ARHGAP5: variants seen among roughly 807,000 people sequenced by gnomAD.
The protein encoded by ARHGAP5 is rho GTPase-activating protein 5.
A neutral mutation model predicts 116.6 loss-of-function variants in ARHGAP5; 23 were observed. The observed-to-expected ratio is 0.20, with a 90% CI of 0.14 to 0.28. The LOEUF is 0.28. Among genes scored for constraint, ARHGAP5 ranks in the 10% least tolerant of loss-of-function variants. The probability of loss-of-function intolerance (pLI) is 1.00; values close to 1 mark genes in which losing one functional copy is unlikely to be tolerated. For synonymous variants in ARHGAP5, 574 were observed against 602.0 expected (o/e 0.95, Z 0.68); for missense variants, 1,405 against 1,774.8 (o/e 0.79, Z 3.74).
chr14:32,151,975 C>T (rs1881656129), intron 5 of ARHGAP5, among the ~76,000 whole-genome samples: 1 of 152,092 alleles, frequency 6.6e-6, no homozygotes, highest in Non-Finnish European at 1.5e-5. Flanking sequence ...GGCTCTCCAA[C>T]CCCTAGGCCA....
chr14:32,123,666 G>A (rs1228806854), intron 3 of ARHGAP5, among the ~76,000 whole-genome samples: 1 of 152,016 alleles, frequency 6.6e-6, no homozygotes, highest in African/African-American at 2.4e-5. Context: ...GATGTTATTA[G>A]TGTTTCTTTA....
chr14:32,140,097 C>CTTTTTTTTTTTTTTTTTGTTTTTTTTTTT (rs1182430088), intron 3 of ARHGAP5, among the ~76,000 whole-genome samples: 1 of 25,386 alleles, frequency 3.9e-5, no homozygotes, highest in Non-Finnish European at 7.3e-5. Context: ...GTTATTTGTT[C>CTTTTTTTTTTTTTTTTTGTTTTTTTTTTT]TTTTTTTTTT....
chr14:32,145,688 G>T (rs961612585), intron 3 of ARHGAP5, among the ~76,000 whole-genome samples: 7 of 151,960 alleles, frequency 4.6e-5, no homozygotes, highest in Non-Finnish European at 7.4e-5. Flanking sequence ...CTTATGTTTG[G>T]TTTTTTTACA....
At position 32,092,829 on chromosome 14, in the gene ARHGAP5, G is replaced by T; in HGVS notation, c.2160G>T (p.Gln720His). 6.2e-7 allele frequency: 1 copy of T among 1,614,064 alleles called. No homozygotes were observed. The highest frequency in any genetic ancestry group is 2.2e-5 in the East Asian group (1 of 44,884). ...CAATTCTCAGGCACCAAGGGCAGCA[G>T]TTGGCAAACAAGTTGCAATGTCCTT... Reference protein sequence around the residue: ...NLPILRHQGQQLANKLQCPFV... With the variant: ...NLPILRHQGQHLANKLQCPFV... The change falls in exon 2 of 7, where the codon CAG (glutamine) becomes CAT (histidine). Residue 720 changes from glutamine (Q) to histidine (H), a missense_variant. Physicochemically the swap from Gln to His is conservative, Grantham distance 24 (BLOSUM62 0). Around this residue, in one of 6 missense-constraint regions of ARHGAP5, gnomAD observed 944 missense variants for 1,095.3 expected, o/e 0.86. Coordinates refer to ENST00000345122, the MANE Select transcript of ARHGAP5 (RefSeq NM_001030055.2). This position sits in a 1 kb window ranked among gnomAD's most constrained non-coding sequence, Gnocchi z 4.1.
At position 32,117,266 on chromosome 14, in the gene ARHGAP5, G is replaced by A. The variant is rs1404452584; in HGVS notation, c.3844G>A (p.Val1282Met). Residue 1282 changes from valine to methionine, a missense_variant, in exon 3 of 7, where the codon GTG becomes ATG. Val to Met is a conservative substitution (Grantham distance 21). Coordinates refer to ENST00000345122, the MANE Select transcript of ARHGAP5 (RefSeq NM_001030055.2). The stretch of plus-strand genomic sequence containing the variant: ...CATACCACTATTTGTTGAGAAATGT[G>A]TGGAATTTATTGAAGATACAGGTAG... ...KPIPLFVEKC[V>M]EFIEDTGLCT... is the part of the protein sequence containing the mutation. The A allele has an allele frequency of 6.2e-7, 1 of 1,604,324 alleles. No individual in the cohort carries two copies. The highest frequency in any genetic ancestry group is 1.7e-5 in the Admixed American group (1 of 59,434).
Position 32,149,949 on chromosome 14 carries a change from G to T in ARHGAP5, c.3991G>T (p.Ala1331Ser). 6.2e-7 allele frequency: 1 copy of T among 1,601,454 alleles called. No homozygotes were observed. Among genetic ancestry groups the T allele is most frequent in the Non-Finnish European group, 8.5e-7 (1 of 1,172,588 alleles). ...AATGGAAGTAACAGTAAATGCTGTA[G>T]CTGGAGCCCTTAAAGCTTTCTTTGC... is the stretch of plus-strand genomic sequence containing the variant. The part of the protein sequence containing the change: ...VSMEVTVNAV[A>S]GALKAFFADL... The change falls in exon 5 of 7, where the codon GCT (alanine) becomes TCT (serine). Residue 1331 changes from alanine (A) to serine (S), a missense_variant. Ala to Ser is a moderately conservative substitution (Grantham distance 99, BLOSUM62 1). Around this residue, in one of 6 missense-constraint regions of ARHGAP5, gnomAD observed 176 missense variants for 221.2 expected, o/e 0.80. Coordinates refer to ENST00000345122, the MANE Select transcript of ARHGAP5 (RefSeq NM_001030055.2).
chr14:32,159,451 T>C lies in ARHGAP5; in HGVS notation c.*4503T>C, dbSNP rs1323240441. 6.6e-6 allele frequency: 1 copy of C among 152,184 alleles called. No individual in the cohort carries two copies. The allele number at this position is 152,184 out of a possible 1,614,324, so 9.4% of individuals were successfully genotyped here. A position where few individuals can be genotyped will look rare whatever the true frequency, so the allele number is the denominator to read the frequency against. On this transcript the variant is annotated 3_prime_UTR_variant, in exon 7 of 7. Coordinates refer to ENST00000345122, the MANE Select transcript of ARHGAP5 (RefSeq NM_001030055.2). ...AGTTTATTTTTTGTATTAGATTTTA[T>C]TTGAATAAGTTATGTGGGTTTAGTA...
At chr14:32,114,452 G>A (rs992477229) in intron 2 of ARHGAP5, among the ~76,000 whole-genome samples, 1 of 152,102 alleles carries the variant, frequency 6.6e-6, no homozygotes, top group African/African-American at 2.4e-5. Context: ...TTCCTTGCAC[G>A]TTGTTCTGTT....
At chr14:32,097,940 T>C (rs561409823) in intron 2 of ARHGAP5, among the ~76,000 whole-genome samples, 1 of 152,242 alleles carries the variant, frequency 6.6e-6, no homozygotes, top group South Asian at 2.1e-4. Flanking sequence ...AAGTACAAAA[T>C]GTTATTGAAA....
Position 32,117,178 on chromosome 14 carries a change from T to A in ARHGAP5, c.3756T>A (p.Arg1252=), listed in dbSNP as rs373330466. The change falls in exon 3 of 7, where the codon CGT becomes CGA. Residue 1252 remains arginine, a synonymous_variant. Coordinates refer to ENST00000345122, the MANE Select transcript of ARHGAP5 (RefSeq NM_001030055.2). The stretch of plus-strand genomic sequence containing the variant: ...CTAAGAACTTCAATCCACCAACACG[T>A]AGAAATTGGGAAAGTAATTACTTTG... ...KKTKNFNPPT[R]RNWESNYFGM... 1 of 1,611,522 alleles carries A rather than the reference T, an allele frequency of 6.2e-7. No individual in the cohort carries two copies. The highest frequency in any genetic ancestry group is 8.5e-7 in the Non-Finnish European group (1 of 1,178,716).
chr14:32,090,689 A>C lies in ARHGAP5; in HGVS notation c.20A>C (p.Glu7Ala). The change falls in exon 2 of 7, where the codon GAG (glutamate) becomes GCG (alanine). Residue 7 changes from glutamate (E) to alanine (A), a missense_variant. This residue lies in a region of ARHGAP5 where 190 missense variants were observed against 314.9 expected (regional missense o/e 0.60). Transcript: ENST00000345122. Reference protein sequence around the residue: MMAKNKEPRPPSYTISI... With the variant: MMAKNKAPRPPSYTISI... Reference sequence around the variant, plus strand: ...AGAGTTATGATGGCAAAAAACAAAGAGCCTCGTCCCCCATCCTATACCATC... The same window carrying C: ...AGAGTTATGATGGCAAAAAACAAAGCGCCTCGTCCCCCATCCTATACCATC... The C allele has an allele frequency of 6.2e-7, 1 of 1,600,534 alleles. No homozygotes were observed. Among genetic ancestry groups the C allele is most frequent in the Non-Finnish European group, 8.5e-7 (1 of 1,175,636 alleles).
chr14:32,150,938 A>G (rs34153583), intron 5 of ARHGAP5, among the ~76,000 whole-genome samples: 2,079 of 152,298 alleles, frequency 0.014, 26 homozygotes, highest in Non-Finnish European at 0.022. Flanking sequence ...CATCCACATG[A>G]TTTCTCAGTG....
intron 3 of ARHGAP5, among the ~76,000 whole-genome samples, chr14:32,117,907 G>A (rs1380056213): frequency 6.6e-6 from 1 of 152,130 alleles, no homozygotes; most frequent in South Asian, 2.1e-4. Context: ...GGAAAATAGG[G>A]ACAGAATATT....
rs1196252520 is a variant in ARHGAP5, at chr14:32,092,893, A to G, written c.2224A>G (p.Asn742Asp). The G allele has an allele frequency of 1.9e-6, 3 of 1,614,012 alleles. No individual in the cohort carries two copies. The Admixed American group carries it at 5.0e-5, about 27-fold the overall frequency. ...VPAGTYPRKFNETQIKQALRG... is the reference protein window; with the variant it reads ...VPAGTYPRKFDETQIKQALRG... ...TGCTGGTACATATCCTCGTAAATTT[A>G]ATGAAACCCAAATAAAGCAAGCTCT... Residue 742 changes from asparagine (N) to aspartate (D), a missense_variant, in exon 2 of 7, where the codon AAT becomes GAT. Physicochemically the swap from Asn to Asp is conservative, Grantham distance 23. This residue lies in a region of ARHGAP5 where 944 missense variants were observed against 1,095.3 expected (regional missense o/e 0.86). Transcript: ENST00000345122. This position sits in a 1 kb window ranked among gnomAD's most constrained non-coding sequence, Gnocchi z 4.1.
chr14:32,150,222 T>C (rs538530395), intron 5 of ARHGAP5, among the ~76,000 whole-genome samples, 189 bp downstream of exon 5: 1 of 152,310 alleles, frequency 6.6e-6, no homozygotes, highest in Non-Finnish European at 1.5e-5. Flanking sequence ...TCCAGGAATA[T>C]TCTGTTTTAG....
chr14:32,114,270 T>C (rs1291479379), intron 2 of ARHGAP5, among the ~76,000 whole-genome samples: 1 of 152,054 alleles, frequency 6.6e-6, no homozygotes, highest in African/African-American at 2.4e-5. Context: ...CTTTTACCAC[T>C]GCATTTATCT....
chr14:32,112,591 G>A (rs868652149), intron 2 of ARHGAP5, among the ~76,000 whole-genome samples: 2 of 152,150 alleles, frequency 1.3e-5, no homozygotes, highest in Non-Finnish European at 2.9e-5. Flanking sequence ...TTGGATTTTC[G>A]GTAGGGCGCG....
Position 32,146,111 on chromosome 14 carries a change from T to C in ARHGAP5, c.3866-152T>C, listed in dbSNP as rs1594394687. On this transcript the variant is annotated intron_variant, in intron 3 of 6. Transcript: ENST00000345122. ...ATTATTTGTAGAGACAGAGTCTCCC[T>C]GTGTTGCCCAGGCTGGGCTCAAACT... 1.8e-5 allele frequency: 10 copies of C among 543,042 alleles called. No homozygotes were observed. In the East Asian group the frequency reaches 3.1e-4, roughly 17 times the overall value. 33.6% of individuals were successfully genotyped at this position (543,042 alleles called of 1,614,324 possible). A position where few individuals can be genotyped will look rare whatever the true frequency, so the allele number is the denominator to read the frequency against.
chr14:32,129,005 T>A (rs1216357536), intron 3 of ARHGAP5, among the ~76,000 whole-genome samples: 1 of 152,214 alleles, frequency 6.6e-6, no homozygotes, highest in East Asian at 1.9e-4. Flanking sequence ...CTTTCTAAAT[T>A]TTTTTCTGCA....
Sources: gnomAD v4.1 joint callset for allele counts (sites outside exome capture counted in the v4.1 genomes callset) on GRCh38, gnomAD v4.1.1 for gene constraint, gnomAD v4.1.1 regional missense constraint, Gnocchi (gnomAD v3.1) non-coding constraint, MANE v1.5 for transcripts, NCBI Gene and HGNC (gene_info 2026-07-23, HGNC 2026-07-21) for gene names.